The following TASP1 variants were observed in gnomAD, a reference collection of about 807,000 sequenced individuals.
The protein encoded by TASP1 is threonine aspartase 1.
Under a neutral mutation model 56.6 loss-of-function variants are expected in TASP1, and 16 were observed. The ratio of observed to expected loss-of-function variants is 0.28; its 90% confidence interval spans 0.19 to 0.43. TASP1 has a LOEUF of 0.43. Ranked by LOEUF, TASP1 falls within the 20% of genes least tolerant of loss-of-function variation. The probability of loss-of-function intolerance (pLI) is 1.00; values close to 1 mark genes in which losing one functional copy is unlikely to be tolerated. For synonymous variants in TASP1, 179 were observed against 184.2 expected (o/e 0.97, Z 0.23); for missense variants, 393 against 511.6 (o/e 0.77, Z 2.24).
chr20:13,131,026 G>C, the TASP1 span, among the ~76,000 whole-genome samples: 1 of 152,156 alleles, frequency 6.6e-6, no homozygotes, highest in African/African-American at 2.4e-5. Flanking sequence ...AGTGATTGAA[G>C]TTACTTTTGG....
At chr20:13,605,043 G>C (rs745705508) in intron 4 of TASP1, among the ~76,000 whole-genome samples, 19 of 149,994 alleles carry the variant, frequency 1.3e-4, no homozygotes, top group Non-Finnish European at 7.4e-5. Context: ...CAATATGGGT[G>C]AATCTCAAAA....
the TASP1 span, among the ~76,000 whole-genome samples, chr20:13,329,376 A>G: frequency 2.0e-5 from 3 of 152,184 alleles, no homozygotes; most frequent in Non-Finnish European, 4.4e-5. Flanking sequence ...CAAAGGGAGA[A>G]GACAGCCATC....
chr20:13,233,719 TCAC>T, the TASP1 span, among the ~76,000 whole-genome samples: 1 of 152,098 alleles, frequency 6.6e-6, no homozygotes, highest in African/African-American at 2.4e-5. Context: ...TGTTAGTGAC[TCAC>T]ATAGGATTCT....
chr20:13,231,039 C>T, the TASP1 span, among the ~76,000 whole-genome samples: 3 of 152,264 alleles, frequency 2.0e-5, no homozygotes, highest in South Asian at 2.1e-4. Flanking sequence ...CCTCCCTCTT[C>T]GCCTACCAGA....
the TASP1 span, among the ~76,000 whole-genome samples, chr20:13,104,897 G>GT: frequency 1.3e-4 from 20 of 151,532 alleles, no homozygotes; most frequent in African/African-American, 4.8e-4. Context: ...TTCTGGCATT[G>GT]TTTTTTTCAT....
intron 10 of TASP1, among the ~76,000 whole-genome samples, chr20:13,499,365 C>A (rs1332635337): frequency 6.6e-6 from 1 of 151,796 alleles, no homozygotes; most frequent in African/African-American, 2.4e-5. Flanking sequence ...GGGTACTACA[C>A]TCACTACCTG....
At chr20:13,605,678 TA>T (rs1310048642) in intron 4 of TASP1, among the ~76,000 whole-genome samples, 4 of 150,632 alleles carry the variant, frequency 2.7e-5, no homozygotes, top group Admixed American at 6.6e-5. Context: ...GACCTTTCTC[TA>T]AAAAAAAATA....
chr20:13,235,151 G>A, the TASP1 span, among the ~76,000 whole-genome samples: 4 of 152,284 alleles, frequency 2.6e-5, no homozygotes, highest in Non-Finnish European at 4.4e-5. Context: ...GTCAGCTGAG[G>A]TTCAGTAGAT....
chr20:13,128,148 C>T, the TASP1 span, among the ~76,000 whole-genome samples: 2 of 152,198 alleles, frequency 1.3e-5, no homozygotes, highest in African/African-American at 2.4e-5. Context: ...TGTCTGGAGA[C>T]AAGTATCAGT....
the TASP1 span, among the ~76,000 whole-genome samples, chr20:13,159,053 GAA>G: frequency 6.6e-6 from 1 of 152,188 alleles, no homozygotes; most frequent in Non-Finnish European, 1.5e-5. Flanking sequence ...GCCCAAAGGG[GAA>G]AAAGAGTCAC....
At chr20:13,489,636 C>T (rs2043452201) in intron 10 of TASP1, among the ~76,000 whole-genome samples, 1 of 152,058 alleles carries the variant, frequency 6.6e-6, no homozygotes, top group Non-Finnish European at 1.5e-5. Context: ...CCGACTAGAC[C>T]CAGTCTCTTC....
At chr20:13,610,548 C>T (rs1219917292) in intron 4 of TASP1, among the ~76,000 whole-genome samples, 1 of 152,110 alleles carries the variant, frequency 6.6e-6, no homozygotes, top group Non-Finnish European at 1.5e-5. Flanking sequence ...GTATACTATA[C>T]ACACAAGAAA....
At chr20:13,444,657 G>A (rs6109886) in intron 11 of TASP1, among the ~76,000 whole-genome samples, 13,873 of 152,080 alleles carry the variant, frequency 0.091, 1,203 homozygotes, top group African/African-American at 0.23. Flanking sequence ...TGTCTCCATC[G>A]TCCTATAAGA....
chr20:13,414,520 T>C (rs1285138559), intron 13 of TASP1, among the ~76,000 whole-genome samples: 1 of 152,202 alleles, frequency 6.6e-6, no homozygotes, highest in African/African-American at 2.4e-5. Context: ...GTATTTTCAC[T>C]GTGGTTATAA....
At chr20:13,431,081 T>C (rs950922139) in intron 12 of TASP1, among the ~76,000 whole-genome samples, 25 of 152,100 alleles carry the variant, frequency 1.6e-4, no homozygotes, top group African/African-American at 6.0e-4. Flanking sequence ...GTGATTATAT[T>C]ATTCTTGGGA....
At chr20:13,596,586 T>C (rs994898631) in intron 4 of TASP1, among the ~76,000 whole-genome samples, 4 of 151,492 alleles carry the variant, frequency 2.6e-5, no homozygotes, top group East Asian at 1.9e-4. Flanking sequence ...ACAGGAAAAA[T>C]CCAAAATCAA....
At chr20:13,202,754 A>T in the TASP1 span, among the ~76,000 whole-genome samples, 1 of 152,214 alleles carries the variant, frequency 6.6e-6, no homozygotes, top group East Asian at 1.9e-4. Context: ...GAAGTGAGGT[A>T]CGGAAACAGC....
chr20:13,636,140 CTTTTTT>C (rs36048272), intron 1 of TASP1, among the ~76,000 whole-genome samples: 1 of 98,030 alleles, frequency 1.0e-5, no homozygotes, highest in Admixed American at 1.2e-4. Flanking sequence ...TGTGTTGTTG[CTTTTTT>C]TTTTTTTTTT....
intron 7 of TASP1, 90 bp from the exon 8 acceptor site, chr20:13,559,204 A>G: frequency 4.1e-6 from 3 of 738,606 alleles, no homozygotes; most frequent in Non-Finnish European, 6.0e-6. Flanking sequence ...GCCTTCCCAG[A>G]AGAAAATCCT....
Sources: allele counts gnomAD v4.1 joint callset (sites outside exome capture counted in the v4.1 genomes callset), GRCh38; gene constraint gnomAD v4.1.1; transcripts MANE v1.5; gene names NCBI Gene and HGNC (gene_info 2026-07-23, HGNC 2026-07-21).